Variants in TMEM108 observed in about 807,000 individuals in gnomAD.
TMEM108 encodes cancer/testis antigen 124.
TMEM108 carries 12 observed loss-of-function variants against 35.1 expected under a neutral mutation model. The observed-to-expected ratio is 0.34, with a 90% CI of 0.22 to 0.55. TMEM108 has a LOEUF of 0.55. Among genes scored for constraint, TMEM108 ranks in the 20% least tolerant of loss-of-function variants. TMEM108 has a pLI of 0.89. For missense variants in TMEM108, 680 were observed against 753.3 expected, an observed-to-expected ratio of 0.90 and a Z score of 1.14; for synonymous variants, 287 against 308.6, an observed-to-expected ratio of 0.93 and a Z score of 0.73.
At chr3:133,138,123 G>T (rs551138775) in intron 2 of TMEM108, among the ~76,000 whole-genome samples, 117 of 152,132 alleles carry the variant, frequency 7.7e-4, no homozygotes, top group Non-Finnish European at 1.5e-3. Flanking sequence ...CCAGCCAAAA[G>T]AGTAGAGTAT....
At chr3:133,298,301 G>A (rs921849579) in intron 3 of TMEM108, among the ~76,000 whole-genome samples, 3 of 152,162 alleles carry the variant, frequency 2.0e-5, no homozygotes, top group Non-Finnish European at 4.4e-5. Flanking sequence ...GGCCCAAGAA[G>A]AATGTTTCTT....
intron 2 of TMEM108, among the ~76,000 whole-genome samples, chr3:133,191,083 T>C (rs6804351): frequency 4.1e-4 from 62 of 152,312 alleles, no homozygotes; most frequent in African/African-American, 1.5e-3. Context: ...ATTAAATCAT[T>C]TTTCATTAAA....
intron 5 of TMEM108, among the ~76,000 whole-genome samples, chr3:133,392,839 G>A (rs1437109801): frequency 1.3e-5 from 2 of 152,124 alleles, no homozygotes; most frequent in Non-Finnish European, 2.9e-5. Flanking sequence ...CGCACCATGA[G>A]TGCTGCAATG....
chr3:133,194,546 A>G (rs1206488338), intron 2 of TMEM108, among the ~76,000 whole-genome samples: 1 of 151,608 alleles, frequency 6.6e-6, no homozygotes, highest in East Asian at 1.9e-4. Context: ...CAAAAGCCCC[A>G]TGATGTGTTT....
In TMEM108 at chr3:133,319,616, A is replaced by G. The variant is rs186474874; in HGVS notation, c.41-60136A>G. On this transcript the variant is annotated intron_variant, in intron 3 of 5. Transcript: ENST00000321871. ...CATATCTAAAACCAAGGACTCTCAC[A>G]GAGTCTACTTCACTCCCCTGCCACC... Among the ~76,000 whole-genome samples, 22 of 152,330 alleles carry G rather than the reference A, an allele frequency of 1.4e-4. No individual in the cohort carries two copies. In the East Asian group the frequency reaches 4.2e-3, roughly 29 times the overall value.
At chr3:133,089,030 C>T (rs997507212) in intron 2 of TMEM108, among the ~76,000 whole-genome samples, 2 of 152,180 alleles carry the variant, frequency 1.3e-5, no homozygotes, top group African/African-American at 4.8e-5. Flanking sequence ...GGGGAGTGAG[C>T]TGTCTCACAT....
chr3:133,091,758 G>A (rs1463792412), intron 2 of TMEM108, among the ~76,000 whole-genome samples: 1 of 152,090 alleles, frequency 6.6e-6, no homozygotes, highest in Non-Finnish European at 1.5e-5. Flanking sequence ...GTAGAGAAAT[G>A]TAAAGTATTG....
intron 2 of TMEM108, among the ~76,000 whole-genome samples, chr3:133,183,350 G>T (rs1945375497): frequency 6.6e-6 from 1 of 152,126 alleles, no homozygotes; most frequent in African/African-American, 2.4e-5. Flanking sequence ...CTAAGTCACA[G>T]TGGCCTTAGT....
intron 2 of TMEM108, among the ~76,000 whole-genome samples, chr3:133,084,638 G>A (rs527312643): frequency 4.6e-5 from 7 of 152,230 alleles, no homozygotes; most frequent in South Asian, 2.1e-4. Flanking sequence ...AATATTTGAC[G>A]TGTTTACTAT....
intron 3 of TMEM108, among the ~76,000 whole-genome samples, chr3:133,254,931 A>T (rs1337295898): frequency 1.3e-5 from 2 of 152,220 alleles, no homozygotes; most frequent in East Asian, 1.9e-4. Flanking sequence ...CTGGTGGTTC[A>T]TGCTGGCTGT....
At chr3:133,158,979 A>G (rs541153796) in intron 2 of TMEM108, among the ~76,000 whole-genome samples, 2 of 152,322 alleles carry the variant, frequency 1.3e-5, no homozygotes, top group East Asian at 3.9e-4. Flanking sequence ...ACTCTTTCCC[A>G]TTCAGGGAAA....
chr3:133,129,107 G>A lies in TMEM108; in HGVS notation c.-47+83087G>A, dbSNP rs116946910. Among the ~76,000 whole-genome samples the A allele has an allele frequency of 4.3e-3, 660 of 152,306 alleles. 12 individuals are homozygous for A. Among genetic ancestry groups the A allele is most frequent in the East Asian group, 0.03 (155 of 5,178 alleles). Reference sequence around the variant, plus strand: ...CGCCTGTAATTCCAGCACTTTGGGAGGCTGAGATGGGTGGGTCACTTGAGG... The same window carrying A: ...CGCCTGTAATTCCAGCACTTTGGGAAGCTGAGATGGGTGGGTCACTTGAGG... On this transcript the variant is annotated intron_variant, in intron 2 of 5. Coordinates refer to ENST00000321871, the MANE Select transcript of TMEM108 (RefSeq NM_023943.4).
intron 3 of TMEM108, among the ~76,000 whole-genome samples, chr3:133,236,938 A>G (rs1236390623): frequency 1.3e-5 from 2 of 152,130 alleles, no homozygotes; most frequent in Non-Finnish European, 2.9e-5. Flanking sequence ...GACTAAACTA[A>G]GTAATACCAA....
chr3:133,178,201 A>G (rs909957261), intron 2 of TMEM108, among the ~76,000 whole-genome samples: 7 of 152,206 alleles, frequency 4.6e-5, no homozygotes, highest in Non-Finnish European at 8.8e-5. Flanking sequence ...ATACTCATGG[A>G]TAGGAAGAAT....
chr3:133,173,007 G>A (rs1945153368), intron 2 of TMEM108, among the ~76,000 whole-genome samples: 2 of 152,150 alleles, frequency 1.3e-5, no homozygotes, highest in Admixed American at 1.3e-4. Flanking sequence ...CCCTAGCCAT[G>A]TGGAACTGTA....
intron 2 of TMEM108, among the ~76,000 whole-genome samples, chr3:133,177,267 A>G (rs1945247961): frequency 6.6e-6 from 1 of 152,178 alleles, no homozygotes; most frequent in African/African-American, 2.4e-5. Context: ...TCCTTCTGAA[A>G]CTATTCCAAT....
chr3:133,124,078 C>T (rs1238522437), intron 2 of TMEM108, among the ~76,000 whole-genome samples: 4 of 152,122 alleles, frequency 2.6e-5, no homozygotes, highest in Non-Finnish European at 5.9e-5. Context: ...TCAAGCTTCT[C>T]CACCTATATG....
Position 133,380,558 on chromosome 3 carries a change from G to A in TMEM108, c.847G>A (p.Ala283Thr). ...PAKDKPGLRRAAQGGGSTFTS... is the reference protein window; with the variant it reads ...PAKDKPGLRRTAQGGGSTFTS... ...AAAGGACAAGCCAGGCCTTCGCAGA[G>A]CAGCCCAGGGGGGTGGTTCTACCTT... The change falls in exon 4 of 6, where the codon GCA becomes ACA. Residue 283 changes from alanine (A) to threonine (T), a missense_variant. Ala to Thr is a moderately conservative substitution (Grantham distance 58). Around this residue, in one of 3 missense-constraint regions of TMEM108, gnomAD observed 526 missense variants for 532.1 expected, o/e 0.99. Transcript: ENST00000321871. The surrounding 1 kb of genome is among the most constrained non-coding windows in gnomAD (Gnocchi z 5.3). 1.9e-6 allele frequency: 3 copies of A among 1,613,942 alleles called. No individual in the cohort carries two copies. The highest frequency in any genetic ancestry group is 2.5e-6 in the Non-Finnish European group (3 of 1,179,972).
intron 2 of TMEM108, among the ~76,000 whole-genome samples, chr3:133,057,444 T>C (rs1194441041): frequency 4.9e-4 from 6 of 12,312 alleles, no homozygotes; most frequent in African/African-American, 1.1e-3. Flanking sequence ...TGTATATATA[T>C]ATATATATAT....
Sources: gnomAD v4.1 joint callset for allele counts (sites outside exome capture counted in the v4.1 genomes callset) on GRCh38, gnomAD v4.1.1 for gene constraint, gnomAD v4.1.1 regional missense constraint, Gnocchi (gnomAD v3.1) non-coding constraint, MANE v1.5 for transcripts, NCBI Gene and HGNC (gene_info 2026-07-23, HGNC 2026-07-21) for gene names.